Variants in PKHD1 observed in about 807,000 individuals in gnomAD.
PKHD1 encodes PKHD1 ciliary IPT domain containing fibrocystin/polyductin.
In PKHD1, 291 loss-of-function variants were observed where a neutral mutation model predicts 412.0. The ratio of observed to expected loss-of-function variants is 0.71; its 90% CI spans 0.64 to 0.78. PKHD1 has a LOEUF of 0.78. Ranked by LOEUF, PKHD1 falls within the 30% of genes least tolerant of loss-of-function variation. The pLI is 0.00. For missense variants in PKHD1, 4,825 were observed against 4,950.7 expected, an observed-to-expected ratio of 0.97 and a Z score of 0.76; for synonymous variants, 1,777 against 1,821.5, an observed-to-expected ratio of 0.98 and a Z score of 0.62.
At chr6:51,688,048 G>A (rs192798668) in intron 60 of PKHD1, among the ~76,000 whole-genome samples, 1 of 152,294 alleles carries the variant, frequency 6.6e-6, no homozygotes, top group Admixed American at 6.5e-5. Flanking sequence ...ATGTCACCTG[G>A]ATTACATTTT....
At chr6:51,669,463 GTCTA>G (rs1311469674) in intron 60 of PKHD1, among the ~76,000 whole-genome samples, 13 of 150,940 alleles carry the variant, frequency 8.6e-5, no homozygotes, top group South Asian at 2.1e-4. Flanking sequence ...CTTGCTAGCG[GTCTA>G]TCTATTTTGT....
chr6:51,981,348 T>TCCCGCTCCCG (rs1795192331), intron 35 of PKHD1, among the ~76,000 whole-genome samples: 1 of 58,246 alleles, frequency 1.7e-5, no homozygotes, highest in Non-Finnish European at 3.4e-5. Flanking sequence ...TCCCTCTCCC[T>TCCCGCTCCCG]CTCCCTCTCC....
intron 37 of PKHD1, among the ~76,000 whole-genome samples, chr6:51,912,898 A>G (rs1172580019): frequency 6.6e-6 from 1 of 152,036 alleles, no homozygotes; most frequent in East Asian, 1.9e-4. Context: ...TTCTAACCCT[A>G]TTCTTTAGGG....
At chr6:52,011,796 C>T (rs1476747375) in intron 34 of PKHD1, among the ~76,000 whole-genome samples, 1 of 152,218 alleles carries the variant, frequency 6.6e-6, no homozygotes, top group African/African-American at 2.4e-5. Flanking sequence ...GACTTCCAAA[C>T]CCACAGTCCT....
intron 60 of PKHD1, among the ~76,000 whole-genome samples, chr6:51,696,912 G>A (rs2150674446): frequency 6.6e-6 from 1 of 152,322 alleles, no homozygotes; most frequent in South Asian, 2.1e-4. Context: ...AATTGGGCCT[G>A]GTGTGGTGGC....
intron 50 of PKHD1, among the ~76,000 whole-genome samples, chr6:51,844,963 C>T (rs965133264): frequency 2.0e-5 from 3 of 152,198 alleles, no homozygotes; most frequent in African/African-American, 7.2e-5. Context: ...GTGGTCTTGA[C>T]TTACACCATC....
intron 6 of PKHD1, among the ~76,000 whole-genome samples, chr6:52,074,842 G>A (rs1010960807): frequency 6.6e-5 from 10 of 152,282 alleles, no homozygotes; most frequent in East Asian, 1.9e-4. Flanking sequence ...AGATGCAGTC[G>A]TATGGATCCT....
rs2580021 is a variant in PKHD1 at position 51,638,745 on chromosome 6, C to T, written c.11506+104G>A. The stretch of plus-strand genomic sequence containing the variant: ...AATTTATTTTCTAAACTATGATGAC[C>T]TCTTATTCATGATAGTAGCTATTCC... On this transcript the variant is annotated intron_variant, in intron 64 of 66. Transcript: ENST00000371117. 22,188 of 760,474 alleles carry T rather than the reference C, an allele frequency of 0.029. 533 individuals are homozygous for T. Among genetic ancestry groups the T allele is most frequent in the African/African-American group, 0.094 (5,233 of 55,776 alleles). 47.1% of individuals were successfully genotyped at this position (760,474 alleles called of 1,614,324 possible).
intron 42 of PKHD1, 24 bp downstream of exon 42, chr6:51,903,962 T>C: frequency 1.3e-6 from 2 of 1,481,708 alleles, no homozygotes; most frequent in Non-Finnish European, 1.9e-6. Flanking sequence ...CTGTAATAGA[T>C]TTAAAATCAA....
intron 16 of PKHD1, 105 bp downstream of exon 16, chr6:52,058,218 T>C (rs1808087776): frequency 9.6e-7 from 1 of 1,040,614 alleles, no homozygotes; most frequent in African/African-American, 1.6e-5. Context: ...GACAGCAAGG[T>C]TATAATGACC....
chr6:51,863,326 G>T (rs942049777), intron 48 of PKHD1, among the ~76,000 whole-genome samples: 8 of 152,158 alleles, frequency 5.3e-5, no homozygotes, highest in Non-Finnish European at 1.2e-4. Context: ...ACAAAATCTT[G>T]CAAGCTCTTC....
At chr6:51,864,313 A>G (rs1774687956) in intron 48 of PKHD1, among the ~76,000 whole-genome samples, 1 of 152,168 alleles carries the variant, frequency 6.6e-6, no homozygotes, top group African/African-American at 2.4e-5. Flanking sequence ...AGTTTCACGC[A>G]AGGGAATGGA....
intron 43 of PKHD1, among the ~76,000 whole-genome samples, chr6:51,891,053 GC>G (rs1191128965): frequency 6.6e-6 from 1 of 152,204 alleles, no homozygotes; most frequent in Non-Finnish European, 1.5e-5. Flanking sequence ...TCTTGCACTA[GC>G]CTTTCACACA....
At chr6:51,751,474 T>C (rs929283141) in intron 57 of PKHD1, among the ~76,000 whole-genome samples, 2 of 152,224 alleles carry the variant, frequency 1.3e-5, no homozygotes, top group Admixed American at 6.5e-5. Context: ...TTTTGACAAA[T>C]ATACTAGTAT....
rs199564783 is a variant in PKHD1 at position 51,619,462 on chromosome 6, A to G, written c.11844T>C (p.Asn3948=). ...KVNQCPHQLM[N]GVSRRKVSRH... ...GGCTAACTTTCCTTCTGGACACTCC[A>G]TTCATCAACTGGTGGGGGCACTGGT... is the stretch of plus-strand genomic sequence containing the variant. Residue 3948 remains asparagine, a synonymous_variant, in exon 67 of 67, where the codon AAT becomes AAC. Coordinates refer to ENST00000371117, the MANE Select transcript of PKHD1 (RefSeq NM_138694.4). The G allele has an allele frequency of 1.4e-5, 22 of 1,614,100 alleles. No individual in the cohort carries two copies. In the Admixed American group the frequency reaches 2.0e-4, roughly 15 times the overall value.
At chr6:52,062,713 G>C in intron 13 of PKHD1, 53 bp from the exon 14 acceptor site, 1 of 1,608,094 alleles carries the variant, frequency 6.2e-7, no homozygotes, top group Non-Finnish European at 8.5e-7. Flanking sequence ...TCCCAAATTG[G>C]GGAATTACTT....
intron 1 of PKHD1, among the ~76,000 whole-genome samples, chr6:52,086,089 CACATACACACACACAAA>C (rs1812732059): frequency 2.0e-5 from 3 of 146,648 alleles, no homozygotes; most frequent in Non-Finnish European, 3.0e-5. Context: ...TACACACACA[CACATACACACACACAAA>C]GTGTGTGTGT....
At chr6:51,784,013 A>G (rs1375207710) in intron 53 of PKHD1, among the ~76,000 whole-genome samples, 1 of 152,214 alleles carries the variant, frequency 6.6e-6, no homozygotes. Flanking sequence ...ATTCACTTAT[A>G]TATACATTGT....
intron 57 of PKHD1, among the ~76,000 whole-genome samples, chr6:51,751,831 C>A (rs1490477161): frequency 5.9e-5 from 9 of 152,130 alleles, no homozygotes; most frequent in Non-Finnish European, 1.3e-4. Context: ...ATATAAATTT[C>A]TCTTATGAGG....
Sources: gnomAD v4.1 joint callset for allele counts (sites outside exome capture counted in the v4.1 genomes callset) on GRCh38, gnomAD v4.1.1 for gene constraint, MANE v1.5 for transcripts, NCBI Gene and HGNC (gene_info 2026-07-23, HGNC 2026-07-21) for gene names.